Variants in STARD7 observed in about 807,000 individuals in gnomAD.
STARD7 encodes the protein StAR related lipid transfer domain containing 7.
In STARD7, 30 loss-of-function variants were observed where a neutral mutation model predicts 45.3. The ratio of observed to expected loss-of-function variants is 0.66; its 90% CI spans 0.50 to 0.90. The LOEUF (loss-of-function observed/expected upper bound fraction) is 0.90, where lower values mean the gene tolerates loss of function less well. Ranked by LOEUF, STARD7 falls within the 40% of genes least tolerant of loss-of-function variation. The probability of loss-of-function intolerance (pLI) is 0.00; values close to 1 mark genes in which losing one functional copy is unlikely to be tolerated. For missense variants in STARD7, 495 were observed against 491.3 expected (o/e 1.01, Z -0.07); for synonymous variants, 199 against 183.0 (o/e 1.09, Z -0.70).
In STARD7 at chr2:96,186,726, C is replaced by G. The variant is rs1315686517; in HGVS notation, c.*4G>C. 3 of 1,601,332 alleles carry G rather than the reference C, an allele frequency of 1.9e-6. No individual in the cohort carries two copies. The highest frequency in any genetic ancestry group is 2.6e-6 in the Non-Finnish European group (3 of 1,174,336). On this transcript the variant is annotated 3_prime_UTR_variant, in exon 8 of 8. Transcript: ENST00000337288. ...CACCTTGTCCCTTCTTATCCCAAAGCCTGTCAAGCATACTCAATCCGAGCA... is the reference window on the plus strand; with the variant it reads ...CACCTTGTCCCTTCTTATCCCAAAGGCTGTCAAGCATACTCAATCCGAGCA...
chr2:96,202,616 T>C (rs1683324302), intron 1 of STARD7, among the ~76,000 whole-genome samples: 1 of 152,178 alleles, frequency 6.6e-6, no homozygotes, highest in African/African-American at 2.4e-5. Flanking sequence ...CCTTCAACAA[T>C]AACTAAGCAC....
At chr2:96,196,784 T>A (rs1000286581) in intron 1 of STARD7, among the ~76,000 whole-genome samples, 12 of 151,946 alleles carry the variant, frequency 7.9e-5, no homozygotes, top group Non-Finnish European at 1.8e-4. Context: ...AAAAATAAAA[T>A]AGGCTAGGCG....
chr2:96,188,959 C>CTTT (rs900460025), intron 6 of STARD7, among the ~76,000 whole-genome samples: 1 of 148,862 alleles, frequency 6.7e-6, no homozygotes, highest in African/African-American at 2.5e-5. Context: ...TTTTTTTTTT[C>CTTT]TTTTTTTTGA....
rs1031820620 is a variant in STARD7, at chr2:96,208,338, G to A, written c.97C>T (p.Leu33=). The A allele has an allele frequency of 6.2e-6, 10 of 1,600,484 alleles. No homozygotes were observed. Among genetic ancestry groups the A allele is most frequent in the African/African-American group, 1.3e-5 (1 of 74,658 alleles). The change falls in exon 1 of 8, where the codon CTG becomes TTG. Residue 33 remains leucine, a synonymous_variant. Coordinates refer to ENST00000337288, the MANE Select transcript of STARD7 (RefSeq NM_020151.4). The part of the protein sequence containing the change: ...LANQCRFVTG[L]RVRRAQQIAQ... ...ATCTGCTGCGCGCGCCGCACGCGCA[G>A]GCCCGTGACGAAGCGGCACTGATTG...
intron 1 of STARD7, among the ~76,000 whole-genome samples, chr2:96,196,851 G>A (rs1392284404): frequency 6.6e-6 from 1 of 151,726 alleles, no homozygotes; most frequent in African/African-American, 2.4e-5. Flanking sequence ...GCGATCACCT[G>A]AGGTCAGGAG....
rs922269144 is a variant in STARD7, at chr2:96,200,598, C to T, written c.291-5049G>A. 2.6e-5 allele frequency among the ~76,000 whole-genome samples: 4 copies of T among 152,072 alleles called. No homozygotes were observed. The East Asian group carries it at 5.8e-4, about 22-fold the overall frequency. ...TTTCTTAACATAGCTGTACTTGCAACGCTCGTGTTATTATTTAAACCTTTT... is the reference window on the plus strand; with the variant it reads ...TTTCTTAACATAGCTGTACTTGCAATGCTCGTGTTATTATTTAAACCTTTT... On this transcript the variant is annotated intron_variant, in intron 1 of 7. Coordinates refer to ENST00000337288, the MANE Select transcript of STARD7 (RefSeq NM_020151.4).
chr2:96,199,708 G>A (rs770659639), intron 1 of STARD7, among the ~76,000 whole-genome samples: 1 of 152,188 alleles, frequency 6.6e-6, no homozygotes, highest in Non-Finnish European at 1.5e-5. Context: ...AACAGAAATG[G>A]TGAGAGCAGA....
At chr2:96,199,464 GATTC>G (rs1316973215) in intron 1 of STARD7, among the ~76,000 whole-genome samples, 2 of 152,080 alleles carry the variant, frequency 1.3e-5, no homozygotes, top group South Asian at 2.1e-4. Context: ...TTTATTTTCA[GATTC>G]ATTGTTAGTG....
chr2:96,203,427 T>C (rs1037365367), intron 1 of STARD7, among the ~76,000 whole-genome samples: 2 of 152,182 alleles, frequency 1.3e-5, no homozygotes, highest in Non-Finnish European at 2.9e-5. Flanking sequence ...GACCGAAAGC[T>C]ATAGAAACTG....
At position 96,197,084 on chromosome 2, in the gene STARD7, A is replaced by ACT. The variant is rs1558735823; in HGVS notation, c.291-1536_291-1535insAG. On this transcript the variant is annotated intron_variant, in intron 1 of 7. Coordinates refer to ENST00000337288, the MANE Select transcript of STARD7 (RefSeq NM_020151.4). ...TCCGTCTCAAAATAAAATAAAATAA[A>ACT]ATAAAATAAAATAAAATAAAATAAA... 5.8e-5 allele frequency among the ~76,000 whole-genome samples: 8 copies of ACT among 138,478 alleles called. No homozygotes were observed. The East Asian group carries it at 6.6e-4, about 11-fold the overall frequency. 90.8% of individuals were successfully genotyped at this position (138,478 alleles called of 152,430 possible). A position where few individuals can be genotyped will look rare whatever the true frequency, so the allele number is the denominator to read the frequency against.
Position 96,208,274 on chromosome 2 carries a change from C to G in STARD7, c.161G>C (p.Arg54Pro), listed in dbSNP as rs773271351. Residue 54 changes from arginine (R) to proline (P), a missense_variant, in exon 1 of 8, where the codon CGC becomes CCC. Around this residue, in one of 2 missense-constraint regions of STARD7, gnomAD observed 282 missense variants for 220.1 expected, o/e 1.28. Transcript: ENST00000337288. ...LYGRLYSESS[R>P]RVLLGRLWRR... is the part of the protein sequence containing the mutation. ...CCAGAGGCGGCCGAGGAGAACGCGG[C>G]GTGAGCTCTCGGAGTAGAGGCGGCC... is the stretch of plus-strand genomic sequence containing the variant. 9 of 1,611,418 alleles carry G rather than the reference C, an allele frequency of 5.6e-6. No individual in the cohort carries two copies. The South Asian group carries it at 9.9e-5, about 18-fold the overall frequency.
intron 7 of STARD7, 147 bp from the exon 8 acceptor site, chr2:96,187,061 C>G (rs1683048212): frequency 1.1e-6 from 1 of 923,882 alleles, no homozygotes; most frequent in Admixed American, 2.9e-5. Flanking sequence ...AGCTGCCTCC[C>G]GGAATGTGTT....
At chr2:96,201,635 A>G (rs1683306929) in intron 1 of STARD7, among the ~76,000 whole-genome samples, 1 of 151,492 alleles carries the variant, frequency 6.6e-6, no homozygotes, top group South Asian at 2.1e-4. Context: ...TAATCCCAGC[A>G]CTACAAAAAA....
chr2:96,206,830 A>G (rs1381197777), intron 1 of STARD7, among the ~76,000 whole-genome samples: 1 of 151,110 alleles, frequency 6.6e-6, no homozygotes, highest in Non-Finnish European at 1.5e-5. Flanking sequence ...AAAAAGTGGA[A>G]CACGGACATT....
At chr2:96,197,862 A>G (rs1425082032) in intron 1 of STARD7, among the ~76,000 whole-genome samples, 2 of 152,184 alleles carry the variant, frequency 1.3e-5, no homozygotes, top group Admixed American at 6.5e-5. Context: ...TCTTTCACTT[A>G]GCATACTTTC....
intron 1 of STARD7, among the ~76,000 whole-genome samples, chr2:96,201,790 T>C (rs572707743): frequency 6.6e-6 from 1 of 152,220 alleles, no homozygotes; most frequent in East Asian, 1.9e-4. Context: ...AGTGAAACTG[T>C]CTCAAAAATA....
chr2:96,189,080 G>A (rs1161415103), intron 6 of STARD7, among the ~76,000 whole-genome samples: 1 of 151,904 alleles, frequency 6.6e-6, no homozygotes, highest in East Asian at 1.9e-4. Context: ...CTCCTGTGTA[G>A]CAGGGACTAC....
chr2:96,208,256 C>T lies in STARD7; in HGVS notation c.179G>A (p.Arg60His). Reference sequence around the variant, plus strand: ...ACGGCCGTGCAGCCGGCGCCAGAGGCGGCCGAGGAGAACGCGGCGTGAGCT... The same window carrying T: ...ACGGCCGTGCAGCCGGCGCCAGAGGTGGCCGAGGAGAACGCGGCGTGAGCT... ...SESSRRVLLG[R>H]LWRRLHGRPG... The change falls in exon 1 of 8, where the codon CGC (arginine) becomes CAC (histidine). Residue 60 changes from arginine (R) to histidine (H), a missense_variant. Physicochemically the swap from Arg to His is conservative, Grantham distance 29. Coordinates refer to ENST00000337288, the MANE Select transcript of STARD7 (RefSeq NM_020151.4). The T allele has an allele frequency of 1.9e-6, 3 of 1,612,040 alleles. No individual in the cohort carries two copies. Among genetic ancestry groups the T allele is most frequent in the Non-Finnish European group, 2.5e-6 (3 of 1,179,482 alleles).
Position 96,208,174 on chromosome 2 carries a change from C to A in STARD7, c.261G>T (p.Glu87Asp). Residue 87 changes from glutamate (E) to aspartate (D), a missense_variant, in exon 1 of 8, where the codon GAG (glutamate) becomes GAT (aspartate). Physicochemically the swap from Glu to Asp is conservative, Grantham distance 45 (BLOSUM62 2). Coordinates refer to ENST00000337288, the MANE Select transcript of STARD7 (RefSeq NM_020151.4). ...GCAACTCCTCCTCCTGGATCCTCTCCTCGTCCCAAACGAAGACGCCGGCTA... is the reference window on the plus strand; with the variant it reads ...GCAACTCCTCCTCCTGGATCCTCTCATCGTCCCAAACGAAGACGCCGGCTA... ...AALAGVFVWD[E>D]ERIQEEELQR... 6.2e-7 allele frequency: 1 copy of A among 1,602,258 alleles called. No homozygotes were observed.
Sources: gnomAD v4.1 joint callset for allele counts (sites outside exome capture counted in the v4.1 genomes callset) on GRCh38, gnomAD v4.1.1 for gene constraint, gnomAD v4.1.1 regional missense constraint, MANE v1.5 for transcripts, NCBI Gene and HGNC (gene_info 2026-07-23, HGNC 2026-07-21) for gene names.